ACAA1: variants seen among roughly 807,000 people sequenced by gnomAD.
ACAA1 encodes the protein 3-ketoacyl-CoA thiolase, peroxisomal.
In ACAA1, 44 loss-of-function variants were observed where a neutral mutation model predicts 48.8. The ratio of observed to expected loss-of-function variants is 0.90; its 90% CI spans 0.71 to 1.16. ACAA1 has a LOEUF of 1.16. Ranked by LOEUF, ACAA1 falls within the 50% of genes most tolerant of loss-of-function variation. ACAA1 has a pLI of 0.00. For synonymous variants in ACAA1, 233 were observed against 226.5 expected, an observed-to-expected ratio of 1.03 and a Z score of -0.26; for missense variants, 512 against 562.3, an observed-to-expected ratio of 0.91 and a Z score of 0.90.
At chr3:38,131,344 C>T (rs145315207) in intron 5 of ACAA1, among the ~76,000 whole-genome samples, 37 of 152,268 alleles carry the variant, frequency 2.4e-4, no homozygotes, top group African/African-American at 8.7e-4. Context: ...CTTTTCCAGC[C>T]TGAAAGATTT....
chr3:38,129,496 T>A lies in ACAA1; in HGVS notation c.447-108A>T. 1 of 870,482 alleles carries A rather than the reference T, an allele frequency of 1.1e-6. No individual in the cohort carries two copies. The highest frequency in any genetic ancestry group is 1.8e-6 in the Non-Finnish European group (1 of 563,488). 53.9% of individuals were successfully genotyped at this position (870,482 alleles called of 1,614,324 possible). On this transcript the variant is annotated intron_variant, in intron 5 of 11. Transcript: ENST00000333167. This position sits in a 1 kb window ranked among gnomAD's most constrained non-coding sequence, Gnocchi z 5.3. Reference sequence around the variant, plus strand: ...GTGCTAGGAAATAGCCAGGGAGCCCTAGGAAGACCAGTGGGCCTCTGGGAG... The same window carrying A: ...GTGCTAGGAAATAGCCAGGGAGCCCAAGGAAGACCAGTGGGCCTCTGGGAG...
At chr3:38,134,518 G>A (rs781439019) in intron 2 of ACAA1, 3 of 456,774 alleles carry the variant, frequency 6.6e-6, no homozygotes, top group South Asian at 4.7e-5. Context: ...CCGTGTGTAT[G>A]TAGAAAAGGA....
At chr3:38,132,885 A>C (rs919375250) in intron 3 of ACAA1, among the ~76,000 whole-genome samples, 2 of 151,756 alleles carry the variant, frequency 1.3e-5, no homozygotes, top group Non-Finnish European at 2.9e-5. Flanking sequence ...CCATTCCTTC[A>C]CTCAATCCAC....
Position 38,136,680 on chromosome 3 carries a change from G to C in ACAA1, c.177C>G (p.Thr59=), listed in dbSNP as rs1392765072. The C allele has an allele frequency of 6.2e-7, 1 of 1,611,018 alleles. No homozygotes were observed. Among genetic ancestry groups the C allele is most frequent in the Admixed American group, 1.7e-5 (1 of 59,812 alleles). ...CTGCCGAGAGAAGCTCGTCGGGGGT[G>C]GTGTCCTGCAGCAGAAAGAGCAGCC... ...CRAGRGGFKD[T]TPDELLSAVM... The change falls in exon 2 of 12, where the codon ACC becomes ACG. Residue 59 remains threonine, a synonymous_variant. Coordinates refer to ENST00000333167, the MANE Select transcript of ACAA1 (RefSeq NM_001607.4).
At position 38,129,354 on chromosome 3, in the gene ACAA1, G is replaced by T. The variant is rs371675293; in HGVS notation, c.481C>A (p.Pro161Thr). ...ESMSLADRGN[P>T]GNITSRLMEK... ...ATCAAGCGCGAAGTAATATTTCCAG[G>T]GTTCCCTCTGTCAGCCAGGGACATG... Residue 161 changes from proline to threonine, a missense_variant, in exon 6 of 12, where the codon CCT becomes ACT. Transcript: ENST00000333167. This position sits in a 1 kb window ranked among gnomAD's most constrained non-coding sequence, Gnocchi z 5.3. 2 of 1,614,164 alleles carry T rather than the reference G, an allele frequency of 1.2e-6. No individual in the cohort carries two copies. Among genetic ancestry groups the T allele is most frequent in the Non-Finnish European group, 1.7e-6 (2 of 1,180,018 alleles).
chr3:38,136,959 C>T lies in ACAA1; in HGVS notation c.77G>A (p.Cys26Tyr). The change falls in exon 1 of 12, where the codon TGC (cysteine) becomes TAC (tyrosine). Residue 26 changes from cysteine to tyrosine, a missense_variant. Cys to Tyr is a radical substitution (Grantham distance 194, BLOSUM62 -2). Coordinates refer to ENST00000333167, the MANE Select transcript of ACAA1 (RefSeq NM_001607.4). The stretch of plus-strand genomic sequence containing the variant: ...CGAGGCCTGCGGGGCACCGCTCAGG[C>T]AAGGCGCGGCCTGCGGCATCCAGCC... ...DSGWMPQAAP[C>Y]LSGAPQASAA... 1.3e-6 allele frequency: 2 copies of T among 1,551,138 alleles called. No individual in the cohort carries two copies. The highest frequency in any genetic ancestry group is 2.5e-5 in the East Asian group (1 of 40,798).
intron 2 of ACAA1, among the ~76,000 whole-genome samples, chr3:38,136,345 G>A (rs893560155): frequency 6.6e-6 from 1 of 152,162 alleles, no homozygotes; most frequent in Non-Finnish European, 1.5e-5. Flanking sequence ...TAAATACTGA[G>A]GGAACTCGGA....
chr3:38,137,029 T>C lies in ACAA1; in HGVS notation c.7A>G (p.Arg3Gly). ...AGGTGGCCCAGCACTACCTGCAGCC[T>C]CTGCATTGCGCAGGTCAACCCTGCA... MQ[R>G]LQVVLGHLRG... The change falls in exon 1 of 12, where the codon AGG becomes GGG. Residue 3 changes from arginine (R) to glycine (G), a missense_variant. Transcript: ENST00000333167. 1.3e-6 allele frequency: 2 copies of C among 1,565,378 alleles called. No individual in the cohort carries two copies. The highest frequency in any genetic ancestry group is 1.7e-6 in the Non-Finnish European group (2 of 1,157,804).
At chr3:38,132,916 A>G (rs759679135) in intron 3 of ACAA1, among the ~76,000 whole-genome samples, 4 of 152,142 alleles carry the variant, frequency 2.6e-5, no homozygotes, top group Admixed American at 6.5e-5. Flanking sequence ...CTAAATACCT[A>G]CTTACCACAA....
intron 6 of ACAA1, among the ~76,000 whole-genome samples, chr3:38,128,655 G>A (rs1402858330): frequency 1.3e-5 from 2 of 152,048 alleles, no homozygotes; most frequent in Non-Finnish European, 2.9e-5. Context: ...GCAGTGGCAC[G>A]ATCTCAGCTC....
intron 11 of ACAA1, chr3:38,123,931 C>G (rs2125761909): frequency 6.7e-6 from 1 of 149,972 alleles, no homozygotes; most frequent in East Asian, 2.0e-4. Flanking sequence ...TGCTTGAACC[C>G]AAAAGGCAGA....
At position 38,135,417 on chromosome 3, in the gene ACAA1, T is replaced by A. The variant is rs550436080; in HGVS notation, c.265+1175A>T. On this transcript the variant is annotated intron_variant, in intron 2 of 11. Coordinates refer to ENST00000333167, the MANE Select transcript of ACAA1 (RefSeq NM_001607.4). ...TCTGAGTTCCCTCAGTATTTATTGA[T>A]CACTATCTCTACTATCTTGGCAAGA... The A allele has an allele frequency of 3.7e-4, 57 of 152,246 alleles. No homozygotes were observed. In the East Asian group the frequency reaches 9.9e-3, roughly 26 times the overall value. 9.4% of individuals were successfully genotyped at this position (152,246 alleles called of 1,614,324 possible). A position where few individuals can be genotyped will look rare whatever the true frequency, so the allele number is the denominator to read the frequency against.
chr3:38,134,486 G>C, intron 2 of ACAA1: 1 of 457,632 alleles, frequency 2.2e-6, no homozygotes, highest in Non-Finnish European at 4.4e-6. Context: ...AGATTGTGGG[G>C]AAAAGAAAGA....
rs150720912 is a variant in ACAA1 at position 38,129,047 on chromosome 3, G to A, written c.545+243C>T. Among the ~76,000 whole-genome samples, 133 of 152,328 alleles carry A rather than the reference G, an allele frequency of 8.7e-4. No homozygotes were observed. The highest frequency in any genetic ancestry group is 3.1e-3 in the African/African-American group (129 of 41,582). On this transcript the variant is annotated intron_variant, in intron 6 of 11. Coordinates refer to ENST00000333167, the MANE Select transcript of ACAA1 (RefSeq NM_001607.4). This position sits in a 1 kb window ranked among gnomAD's most constrained non-coding sequence, Gnocchi z 5.3. ...GTCCTTCCTATGACTGAGCACCTCA[G>A]TGTGGGAGTGACAAGGTGGGCGATG...
chr3:38,133,157 T>A (rs969561210), intron 3 of ACAA1, among the ~76,000 whole-genome samples: 6 of 152,180 alleles, frequency 3.9e-5, no homozygotes, highest in Admixed American at 2.0e-4. Context: ...GCAGGGTTTG[T>A]CTTTCTGTCT....
At position 38,131,592 on chromosome 3, in the gene ACAA1, T is replaced by C; in HGVS notation, c.446+4A>G. On this transcript the variant is annotated splice_donor_region_variant and intron_variant, in intron 5 of 11. Transcript: ENST00000333167. ...AATAAGCTCCGGCAGAAAAAAATTC[T>C]TACCCACAGGCCATGCCAATGTCAT... 1 of 1,614,168 alleles carries C rather than the reference T, an allele frequency of 6.2e-7. No homozygotes were observed. The highest frequency in any genetic ancestry group is 8.5e-7 in the Non-Finnish European group (1 of 1,179,990).
chr3:38,129,442 T>G lies in ACAA1; in HGVS notation c.447-54A>C. 1.4e-6 allele frequency: 2 copies of G among 1,389,022 alleles called. No homozygotes were observed. Among genetic ancestry groups the G allele is most frequent in the South Asian group, 2.3e-5 (2 of 85,332 alleles). The allele number at this position is 1,389,022 out of a possible 1,614,324, so 86.0% of individuals were successfully genotyped here. ...AAGGTGAACTGGGCCCTAGCAGGAC[T>G]CCTCCAGAGATAGCTGAACACTTGG... On this transcript the variant is annotated intron_variant, in intron 5 of 11. Transcript: ENST00000333167. The surrounding 1 kb of genome is among the most constrained non-coding windows in gnomAD (Gnocchi z 5.3).
Position 38,126,808 on chromosome 3 carries a change from G to A in ACAA1, c.627-108C>T, listed in dbSNP as rs890162783. 6 of 1,374,914 alleles carry A rather than the reference G, an allele frequency of 4.4e-6. No individual in the cohort carries two copies. Among genetic ancestry groups the A allele is most frequent in the Non-Finnish European group, 4.0e-6 (4 of 997,036 alleles). The allele number at this position is 1,374,914 out of a possible 1,614,324, so 85.2% of individuals were successfully genotyped here. On this transcript the variant is annotated intron_variant, in intron 7 of 11. Transcript: ENST00000333167. This position sits in a 1 kb window ranked among gnomAD's most constrained non-coding sequence, Gnocchi z 4.7. ...ACACAAGCTCAGGCTGCTAAATTCA[G>A]GGACATGCTCGACTTTGGGGGAGCT...
In ACAA1 at chr3:38,137,012, C is replaced by A; in HGVS notation, c.24G>T (p.Leu8=). 1 of 1,567,584 alleles carries A rather than the reference C, an allele frequency of 6.4e-7. No individual in the cohort carries two copies. Among genetic ancestry groups the A allele is most frequent in the East Asian group, 2.4e-5 (1 of 41,634 alleles). MQRLQVV[L]GHLRGPADSG... ...AATCGGCCGGACCCCTCAGGTGGCC[C>A]AGCACTACCTGCAGCCTCTGCATTG... Residue 8 remains leucine (L), a synonymous_variant, in exon 1 of 12, where the codon CTG becomes CTT. Transcript: ENST00000333167.
Sources: gnomAD v4.1 joint callset for allele counts (sites outside exome capture counted in the v4.1 genomes callset) on GRCh38, gnomAD v4.1.1 for gene constraint, Gnocchi (gnomAD v3.1) non-coding constraint, MANE v1.5 for transcripts, NCBI Gene and HGNC (gene_info 2026-07-23, HGNC 2026-07-21) for gene names.